IQSEC1: variants seen among roughly 807,000 people sequenced by gnomAD.
IQSEC1 encodes the protein IQ motif and SEC7 domain-containing protein 1.
A neutral mutation model predicts 91.0 loss-of-function variants in IQSEC1; 31 were observed. The ratio of observed to expected loss-of-function variants is 0.34; its 90% CI spans 0.26 to 0.46. The LOEUF (loss-of-function observed/expected upper bound fraction) is 0.46. Among genes scored for constraint, IQSEC1 ranks in the 20% least tolerant of loss-of-function variants. IQSEC1 has a pLI of 1.00. For synonymous variants in IQSEC1, 699 were observed against 662.6 expected (o/e 1.05, Z -0.84); for missense variants, 1,388 against 1,575.6 (o/e 0.88, Z 2.02).
At chr3:13,201,621 G>C (rs1694248364) in intron 1 of IQSEC1, among the ~76,000 whole-genome samples, 1 of 152,078 alleles carries the variant, frequency 6.6e-6, no homozygotes, top group Admixed American at 6.5e-5. Context: ...TGGGATTATG[G>C]GCCTTAGCCA....
intron 2 of IQSEC1, among the ~76,000 whole-genome samples, chr3:13,102,683 A>G (rs1052230845): frequency 1.1e-4 from 16 of 152,124 alleles, no homozygotes; most frequent in African/African-American, 3.9e-4. Flanking sequence ...TGTCAACTGC[A>G]GGCCACAGGT....
At chr3:13,159,216 G>A (rs938205792) in intron 2 of IQSEC1, among the ~76,000 whole-genome samples, 7 of 152,142 alleles carry the variant, frequency 4.6e-5, no homozygotes, top group Non-Finnish European at 8.8e-5. Flanking sequence ...GATTACTTGA[G>A]GTCAGGAGTT....
At chr3:13,261,446 T>C (rs1489345563) in intron 1 of IQSEC1, among the ~76,000 whole-genome samples, 1 of 152,128 alleles carries the variant, frequency 6.6e-6, no homozygotes, top group Non-Finnish European at 1.5e-5. Flanking sequence ...GCCCCTCGAA[T>C]GAGTGCTGTG....
chr3:13,225,210 G>C lies in IQSEC1; in HGVS notation c.272+57501C>G, dbSNP rs2125080633. Among the ~76,000 whole-genome samples, 2 of 152,324 alleles carry C rather than the reference G, an allele frequency of 1.3e-5. 1 individual carries two copies. The highest frequency in any genetic ancestry group is 1.3e-4 in the Admixed American group (2 of 15,302). On this transcript the variant is annotated intron_variant, in intron 1 of 15. Coordinates refer to the IQSEC1 transcript ENST00000648114. ...CACCAGGAGTTGTATAACCCAATGG[G>C]GCATGAACGTCCCTTTTGTCCCCTA...
intron 1 of IQSEC1, among the ~76,000 whole-genome samples, chr3:13,262,157 T>A (rs764042809): frequency 7.9e-5 from 12 of 152,276 alleles, no homozygotes; most frequent in Non-Finnish European, 1.6e-4. Context: ...CTTCCCCAGG[T>A]GAACGGGGTC....
chr3:12,989,930 G>A (rs897315959), intron 1 of IQSEC1, among the ~76,000 whole-genome samples: 2 of 152,208 alleles, frequency 1.3e-5, no homozygotes, highest in Admixed American at 1.3e-4. Flanking sequence ...TAGAGTGACA[G>A]ACAGAGACCC....
chr3:12,991,423 G>A (rs1701984627), intron 1 of IQSEC1, among the ~76,000 whole-genome samples: 1 of 152,234 alleles, frequency 6.6e-6, no homozygotes, highest in Admixed American at 6.5e-5. Flanking sequence ...CTGAGATGCG[G>A]CAGTGCGTGG....
At chr3:12,930,743 T>C (rs999425888) in intron 3 of IQSEC1, among the ~76,000 whole-genome samples, 1 of 152,174 alleles carries the variant, frequency 6.6e-6, no homozygotes, top group Admixed American at 6.5e-5. Flanking sequence ...ATAGAGTTCC[T>C]GTCACATGCA....
In IQSEC1 at chr3:12,905,952, G is replaced by T. The variant is rs1008272060; in HGVS notation, c.2755+2397C>A. Among the ~76,000 whole-genome samples, 17 of 152,200 alleles carry T rather than the reference G, an allele frequency of 1.1e-4. 1 individual carries two copies. Among genetic ancestry groups the T allele is most frequent in the African/African-American group, 3.4e-4 (14 of 41,442 alleles). On this transcript the variant is annotated intron_variant, in intron 12 of 13. Coordinates refer to ENST00000613206, the MANE Select transcript of IQSEC1 (RefSeq NM_001134382.3). The stretch of plus-strand genomic sequence containing the variant: ...GCCGCTGGAATGAGCACCGGGTGGG[G>T]AGTCTTAGCCCAAGGGAGACCAGGG...
chr3:13,209,396 G>T (rs1192413482), intron 1 of IQSEC1, among the ~76,000 whole-genome samples: 1 of 152,226 alleles, frequency 6.6e-6, no homozygotes, highest in Non-Finnish European at 1.5e-5. Flanking sequence ...CTTTCCCAGG[G>T]CCCAGCTAAA....
chr3:12,916,320 G>C (rs570544690), intron 6 of IQSEC1, among the ~76,000 whole-genome samples: 5 of 152,194 alleles, frequency 3.3e-5, no homozygotes, highest in African/African-American at 1.2e-4. Flanking sequence ...GTGCTGCAGT[G>C]GTTGCTGTTG....
chr3:12,908,305 T>C lies in IQSEC1; in HGVS notation c.2755+44A>G. The C allele has an allele frequency of 6.3e-7, 1 of 1,599,950 alleles. No homozygotes were observed. Among genetic ancestry groups the C allele is most frequent in the East Asian group, 2.2e-5 (1 of 44,698 alleles). ...GAATGCAGACGCCCTGCCTCGGTCT[T>C]GCATGCGCTGGGCTAGCAAGGTGGT... On this transcript the variant is annotated intron_variant, in intron 12 of 13. Transcript: ENST00000613206. This position sits in a 1 kb window ranked among gnomAD's most constrained non-coding sequence, Gnocchi z 4.9.
intron 2 of IQSEC1, among the ~76,000 whole-genome samples, chr3:13,094,117 G>A (rs564921574): frequency 6.6e-6 from 1 of 152,330 alleles, no homozygotes; most frequent in East Asian, 1.9e-4. Context: ...TGAAGAGAGA[G>A]AGAGAACCGT....
chr3:12,967,787 C>A lies in IQSEC1; in HGVS notation c.24-25922G>T, dbSNP rs1700690457. 9.8e-6 allele frequency: 7 copies of A among 717,454 alleles called. No homozygotes were observed. The Admixed American group carries it at 3.1e-4, about 32-fold the overall frequency. The allele number at this position is 717,454 out of a possible 1,614,324, so 44.4% of individuals were successfully genotyped here. On this transcript the variant is annotated intron_variant, in intron 1 of 13. Coordinates refer to ENST00000613206, the MANE Select transcript of IQSEC1 (RefSeq NM_001134382.3). This position sits in a 1 kb window ranked among gnomAD's most constrained non-coding sequence, Gnocchi z 5.9. ...GCGAGCTGGGGGCGGGGCCGGAGGG[C>A]GAGCTGGGGGCGGGGCTGCGCGCGG...
At chr3:13,134,652 G>A (rs1024280552) in intron 2 of IQSEC1, among the ~76,000 whole-genome samples, 6 of 152,230 alleles carry the variant, frequency 3.9e-5, no homozygotes, top group Admixed American at 6.5e-5. Context: ...GGCCCTAGAG[G>A]TGTGTTGCAT....
At chr3:13,223,913 A>G (rs1351147508) in intron 1 of IQSEC1, among the ~76,000 whole-genome samples, 2 of 152,174 alleles carry the variant, frequency 1.3e-5, no homozygotes, top group Non-Finnish European at 2.9e-5. Context: ...GTCACCGGAC[A>G]TTAATGAGCT....
At chr3:13,197,056 G>A (rs1047605493) in intron 1 of IQSEC1, among the ~76,000 whole-genome samples, 1 of 152,094 alleles carries the variant, frequency 6.6e-6, no homozygotes, top group African/African-American at 2.4e-5. Context: ...GGAGGCCCCT[G>A]TGCCCTGGGA....
At chr3:12,969,877 T>C (rs1226611825) in intron 1 of IQSEC1, among the ~76,000 whole-genome samples, 1 of 152,232 alleles carries the variant, frequency 6.6e-6, no homozygotes, top group Non-Finnish European at 1.5e-5. Context: ...TCTCTTGTTT[T>C]ATCTTTCTGC....
chr3:12,956,422 G>C (rs936614061), intron 1 of IQSEC1, among the ~76,000 whole-genome samples: 2 of 152,186 alleles, frequency 1.3e-5, no homozygotes, highest in African/African-American at 4.8e-5. Flanking sequence ...AAGGCCTTCT[G>C]CTCCACTGGG....
Sources: allele counts gnomAD v4.1 joint callset (sites outside exome capture counted in the v4.1 genomes callset), GRCh38; gene constraint gnomAD v4.1.1; non-coding constraint Gnocchi (gnomAD v3.1); transcripts MANE v1.5; gene names NCBI Gene and HGNC (gene_info 2026-07-23, HGNC 2026-07-21).